The following WDR20 variants were observed in gnomAD, a reference collection of about 807,000 sequenced individuals.
WDR20 encodes the protein WD repeat-containing protein 20.
In WDR20, 3 loss-of-function variants were observed where a neutral mutation model predicts 38.7. That is an observed-to-expected ratio of 0.08 (90% CI 0.04 to 0.20). The LOEUF (loss-of-function observed/expected upper bound fraction) is 0.20. Ranked by LOEUF, WDR20 falls within the 10% of genes least tolerant of loss-of-function variation. The pLI is 1.00. For missense variants in WDR20, 559 were observed against 727.7 expected (o/e 0.77, Z 2.67); for synonymous variants, 298 against 285.6 (o/e 1.04, Z -0.44).
intron 1 of WDR20, among the ~76,000 whole-genome samples, chr14:102,172,971 C>T (rs1028665232): frequency 4.0e-5 from 6 of 148,514 alleles, no homozygotes; most frequent in Admixed American, 2.7e-4. Context: ...ACATCCCAGA[C>T]GGGGCGGCGG....
Position 102,183,354 on chromosome 14 carries a change from A to G in WDR20, c.250-11584A>G, listed in dbSNP as rs78220953. Among the ~76,000 whole-genome samples, 692 of 152,322 alleles carry G rather than the reference A, an allele frequency of 4.5e-3. 6 individuals carry two copies. Among genetic ancestry groups the G allele is most frequent in the African/African-American group, 0.015 (642 of 41,570 alleles). ...AGAAGCCAAGTCAAGCATTTTGGCC[A>G]CTTGTTTTAGTAGCTGATCTCCATT... On this transcript the variant is annotated intron_variant, in intron 1 of 2. Transcript: ENST00000342702.
At chr14:102,224,430 C>G (rs1271172706), downstream of WDR20, 3 of 377,254 alleles carry the variant, frequency 8.0e-6, no homozygotes, top group African/African-American at 6.3e-5. Context: ...TACTGGAATC[C>G]CAACAGAATG....
intron 1 of WDR20, among the ~76,000 whole-genome samples, chr14:102,172,515 G>A (rs1173226292): frequency 8.4e-4 from 118 of 140,220 alleles, no homozygotes; most frequent in Middle Eastern, 8.6e-3. Flanking sequence ...CTCCCGGACG[G>A]GGCGGCTGGC....
intron 2 of WDR20, among the ~76,000 whole-genome samples, chr14:102,196,648 C>T (rs943817602): frequency 2.0e-5 from 3 of 151,294 alleles, no homozygotes; most frequent in East Asian, 1.9e-4. Flanking sequence ...TTTTGTGTGT[C>T]GTGGCAGGGG....
rs879838516 is a variant in WDR20 at position 102,148,691 on chromosome 14, G to A, written c.249+8519G>A. ...GCTTTGTGTGTGTGTGTGTGTGTGT[G>A]TGTGTGTGTGTGTGTGTTTGGAACA... is the stretch of plus-strand genomic sequence containing the variant. On this transcript the variant is annotated intron_variant, in intron 1 of 2. Coordinates refer to ENST00000342702, the MANE Select transcript of WDR20 (RefSeq NM_144574.4). Among the ~76,000 whole-genome samples the A allele has an allele frequency of 9.4e-3, 1,424 of 151,426 alleles. 24 individuals carry two copies. Among genetic ancestry groups the A allele is most frequent in the African/African-American group, 0.033 (1,361 of 41,222 alleles).
intron 1 of WDR20, among the ~76,000 whole-genome samples, chr14:102,165,975 C>T (rs2059693289): frequency 6.6e-6 from 1 of 151,852 alleles, no homozygotes; most frequent in African/African-American, 2.4e-5. Context: ...TCTCCTTAAT[C>T]TTTGAGTTCT....
intron 1 of WDR20, among the ~76,000 whole-genome samples, chr14:102,146,133 A>G (rs999850150): frequency 6.6e-6 from 1 of 151,860 alleles, no homozygotes; most frequent in Non-Finnish European, 1.5e-5. Flanking sequence ...ATTTCTAGGT[A>G]TTTATGCTGG....
At chr14:102,203,651 G>A (rs1451413582) in intron 2 of WDR20, among the ~76,000 whole-genome samples, 1 of 152,030 alleles carries the variant, frequency 6.6e-6, no homozygotes, top group Non-Finnish European at 1.5e-5. Context: ...TTGGAGCATG[G>A]CCCCTGGTGC....
Position 102,198,578 on chromosome 14 carries a change from G to A in WDR20, c.432+3458G>A, listed in dbSNP as rs76120193. On this transcript the variant is annotated intron_variant, in intron 2 of 2. Coordinates refer to ENST00000342702, the MANE Select transcript of WDR20 (RefSeq NM_144574.4). ...AGCACATGAGGGCCCTTGAGCCCAAGGAAACTGAAAGAAGGACGGTTTACC... is the reference window on the plus strand; with the variant it reads ...AGCACATGAGGGCCCTTGAGCCCAAAGAAACTGAAAGAAGGACGGTTTACC... 695 of 154,314 alleles carry A rather than the reference G, an allele frequency of 4.5e-3. 6 individuals are homozygous for A. Among genetic ancestry groups the A allele is most frequent in the African/African-American group, 0.015 (644 of 41,612 alleles). 9.6% of individuals were successfully genotyped at this position (154,314 alleles called of 1,614,324 possible). A position where few individuals can be genotyped will look rare whatever the true frequency, so the allele number is the denominator to read the frequency against.
chr14:102,214,418 A>G (rs965462600), downstream of WDR20: 4 of 985,418 alleles, frequency 4.1e-6, no homozygotes, highest in Non-Finnish European at 3.6e-6. Context: ...CTCGTATGCA[A>G]CTGTTACCTT....
At chr14:102,224,364 T>C (rs1268572141), downstream of WDR20, 8 of 351,154 alleles carry the variant, frequency 2.3e-5, no homozygotes, top group East Asian at 1.5e-4. Context: ...TCTTACTTGG[T>C]TGAAACCAGC....
chr14:102,186,867 G>A (rs928616434), intron 1 of WDR20, among the ~76,000 whole-genome samples: 5 of 151,844 alleles, frequency 3.3e-5, no homozygotes, highest in Admixed American at 1.3e-4. Flanking sequence ...GGAGAATGGC[G>A]TGAACCCAGG....
At position 102,207,963 on chromosome 14, in the gene WDR20, C is replaced by A. The variant is rs2061857920; in HGVS notation, c.433-640C>A. Among the ~76,000 whole-genome samples the A allele has an allele frequency of 6.6e-6, 1 of 152,146 alleles. No individual in the cohort carries two copies. The highest frequency in any genetic ancestry group is 2.4e-5 in the African/African-American group (1 of 41,422). On this transcript the variant is annotated intron_variant, in intron 2 of 2. Coordinates refer to ENST00000342702, the MANE Select transcript of WDR20 (RefSeq NM_144574.4). This position sits in a 1 kb window ranked among gnomAD's most constrained non-coding sequence, Gnocchi z 5.0. ...CAGCAGAGAGGGTTTCGAGGAGATG[C>A]TTATGGAGATGCACGTGGGGCGGTG... is the stretch of plus-strand genomic sequence containing the variant.
At chr14:102,190,229 TGA>T (rs2065979347) in intron 1 of WDR20, among the ~76,000 whole-genome samples, 2 of 152,150 alleles carry the variant, frequency 1.3e-5, no homozygotes, top group South Asian at 2.1e-4. Context: ...GATTGGATGA[TGA>T]TTGTAAAGTT....
intron 1 of WDR20, among the ~76,000 whole-genome samples, chr14:102,163,213 C>T (rs563390955): frequency 6.6e-6 from 1 of 152,086 alleles, no homozygotes; most frequent in African/African-American, 2.4e-5. Context: ...GGCCAATTTC[C>T]TGTCTCTGTG....
chr14:102,207,274 C>G lies in WDR20; in HGVS notation c.433-1329C>G, dbSNP rs1370514921. 6.6e-6 allele frequency among the ~76,000 whole-genome samples: 1 copy of G among 152,236 alleles called. No homozygotes were observed. Among genetic ancestry groups the G allele is most frequent in the African/African-American group, 2.4e-5 (1 of 41,468 alleles). ...GGGTCCTTTGTTAGCAGCCTACTTT[C>G]TAGGGTCTAATGTTCATGCAGTGAG... On this transcript the variant is annotated intron_variant, in intron 2 of 2. Coordinates refer to ENST00000342702, the MANE Select transcript of WDR20 (RefSeq NM_144574.4). The surrounding 1 kb of genome is among the most constrained non-coding windows in gnomAD (Gnocchi z 5.0).
intron 2 of WDR20, among the ~76,000 whole-genome samples, chr14:102,206,836 C>G (rs576730843): frequency 6.6e-6 from 1 of 152,172 alleles, no homozygotes; most frequent in Non-Finnish European, 1.5e-5. Flanking sequence ...GTGGAGGCCT[C>G]TTAATCCACC....
In WDR20 at chr14:102,220,033, A is replaced by G. The variant is rs535324637; in HGVS notation, c.1693-2797A>G. Among the ~76,000 whole-genome samples, 6 of 152,306 alleles carry G rather than the reference A, an allele frequency of 3.9e-5. No homozygotes were observed. The highest frequency in any genetic ancestry group is 7.4e-5 in the Non-Finnish European group (5 of 68,022). ...TGTGCATTTGTTTTGTGCTAATGGG[A>G]GAATAGGAAGCCTGCAGCCCTCGCG... On this transcript the variant is annotated intron_variant, in intron 3 of 3. Coordinates refer to the WDR20 transcript ENST00000335263. The surrounding 1 kb of genome is among the most constrained non-coding windows in gnomAD (Gnocchi z 4.2).
chr14:102,215,966 C>T (rs926580767), downstream of WDR20, among the ~76,000 whole-genome samples: 3 of 152,210 alleles, frequency 2.0e-5, no homozygotes, highest in Admixed American at 1.3e-4. Context: ...TCAGACACAG[C>T]CCTTCCTCAG....
Sources: gnomAD v4.1 joint callset for allele counts (sites outside exome capture counted in the v4.1 genomes callset) on GRCh38, gnomAD v4.1.1 for gene constraint, Gnocchi (gnomAD v3.1) non-coding constraint, MANE v1.5 for transcripts, NCBI Gene and HGNC (gene_info 2026-07-23, HGNC 2026-07-21) for gene names.